Variants in MACROD2 observed in about 807,000 individuals in gnomAD.
MACROD2 encodes mono-ADP ribosylhydrolase 2.
Under a neutral mutation model 70.4 loss-of-function variants are expected in MACROD2, and 36 were observed. The observed-to-expected ratio is 0.51, with a 90% CI of 0.39 to 0.68. The LOEUF (loss-of-function observed/expected upper bound fraction) is 0.68, where lower values mean the gene tolerates loss of function less well. Ranked by LOEUF, MACROD2 falls within the 30% of genes least tolerant of loss-of-function variation. MACROD2 has a pLI of 0.00. For synonymous variants in MACROD2, 172 were observed against 178.8 expected (o/e 0.96, Z 0.30); for missense variants, 496 against 538.4 (o/e 0.92, Z 0.78).
chr20:15,622,451 G>A (rs939595488), intron 8 of MACROD2, among the ~76,000 whole-genome samples: 1 of 152,064 alleles, frequency 6.6e-6, no homozygotes, highest in African/African-American at 2.4e-5. Flanking sequence ...GTAAAATACG[G>A]GTGACTTGAA....
chr20:14,037,112 T>C (rs1375114979), intron 2 of MACROD2, among the ~76,000 whole-genome samples: 5 of 152,186 alleles, frequency 3.3e-5, no homozygotes, highest in Non-Finnish European at 7.4e-5. Flanking sequence ...ATGTAACTTT[T>C]ATTTTAAAGG....
At chr20:15,432,285 T>A (rs1229602715) in intron 7 of MACROD2, among the ~76,000 whole-genome samples, 2 of 152,142 alleles carry the variant, frequency 1.3e-5, no homozygotes. Context: ...TTTACTTTTT[T>A]TCTTCATCTG....
chr20:14,557,226 C>T (rs904164809), intron 4 of MACROD2, among the ~76,000 whole-genome samples: 6 of 151,866 alleles, frequency 4.0e-5, no homozygotes, highest in Middle Eastern at 3.4e-3. Flanking sequence ...AAATTAACTC[C>T]GAATGGATCA....
intron 2 of MACROD2, among the ~76,000 whole-genome samples, chr20:14,007,286 A>AT (rs1459570351): frequency 6.6e-6 from 1 of 152,138 alleles, no homozygotes; most frequent in Non-Finnish European, 1.5e-5. Context: ...TGATTTTCAG[A>AT]TTGAGTTCAT....
intron 7 of MACROD2, among the ~76,000 whole-genome samples, chr20:15,459,876 C>T (rs1274151549): frequency 6.6e-6 from 1 of 151,998 alleles, no homozygotes; most frequent in Non-Finnish European, 1.5e-5. Context: ...CACCCTTCTC[C>T]ACCCTCAGTC....
intron 3 of MACROD2, among the ~76,000 whole-genome samples, chr20:14,459,775 T>C (rs1468632024): frequency 6.6e-6 from 1 of 152,126 alleles, no homozygotes; most frequent in African/African-American, 2.4e-5. Flanking sequence ...GTGCAGAACA[T>C]GCAGGTTTGT....
At chr20:14,192,682 C>T (rs1412827261) in intron 3 of MACROD2, among the ~76,000 whole-genome samples, 1 of 152,124 alleles carries the variant, frequency 6.6e-6, no homozygotes, top group Non-Finnish European at 1.5e-5. Flanking sequence ...GGAGTCTCCC[C>T]ACAAGGGCCA....
At chr20:15,057,852 T>C (rs952789865) in intron 5 of MACROD2, among the ~76,000 whole-genome samples, 2 of 152,200 alleles carry the variant, frequency 1.3e-5, no homozygotes, top group Admixed American at 1.3e-4. Context: ...AATGTTCTTT[T>C]TTTTGATCTC....
At chr20:15,816,186 G>A (rs897723547) in intron 8 of MACROD2, among the ~76,000 whole-genome samples, 1 of 152,070 alleles carries the variant, frequency 6.6e-6, no homozygotes, top group African/African-American at 2.4e-5. Flanking sequence ...AGTGAGAAGA[G>A]TTCATGGTAG....
intron 6 of MACROD2, among the ~76,000 whole-genome samples, chr20:15,427,836 G>A (rs61615318): frequency 3.0e-4 from 45 of 152,274 alleles, no homozygotes; most frequent in African/African-American, 1.0e-3. Context: ...CTAGACTCAA[G>A]GTCAGTGATT....
chr20:16,049,144 T>A lies in MACROD2; in HGVS notation c.1301-686T>A, dbSNP rs1271015973. On this transcript the variant is annotated intron_variant, in intron 17 of 17. Transcript: ENST00000684519. Reference sequence around the variant, plus strand: ...AGATAGAAATCAGATCATTTGTTCATTCCAGCAGGAGTGGGGTAGTAGGGA... The same window carrying A: ...AGATAGAAATCAGATCATTTGTTCAATCCAGCAGGAGTGGGGTAGTAGGGA... 3.3e-5 allele frequency among the ~76,000 whole-genome samples: 5 copies of A among 152,032 alleles called. No individual in the cohort carries two copies. The South Asian group carries it at 1.0e-3, about 32-fold the overall frequency.
At chr20:15,895,022 A>G (rs1456977503) in intron 10 of MACROD2, among the ~76,000 whole-genome samples, 2 of 152,206 alleles carry the variant, frequency 1.3e-5, no homozygotes, top group Non-Finnish European at 2.9e-5. Context: ...ACCTCACCAA[A>G]TGATTCCCAT....
chr20:15,795,234 T>C (rs559613677), intron 8 of MACROD2, among the ~76,000 whole-genome samples: 1 of 152,240 alleles, frequency 6.6e-6, no homozygotes, highest in African/African-American at 2.4e-5. Context: ...AGAGTTCACA[T>C]AGGAGAACGG....
intron 3 of MACROD2, among the ~76,000 whole-genome samples, chr20:14,221,103 C>T (rs2081669736): frequency 6.6e-6 from 1 of 152,174 alleles, no homozygotes; most frequent in Non-Finnish European, 1.5e-5. Context: ...TACATGCTGT[C>T]AACATTATTG....
At chr20:15,512,043 G>C (rs2047507130) in intron 8 of MACROD2, among the ~76,000 whole-genome samples, 1 of 152,210 alleles carries the variant, frequency 6.6e-6, no homozygotes, top group African/African-American at 2.4e-5. Flanking sequence ...CTTCAATAAG[G>C]AAAAGGCTAT....
chr20:14,168,248 A>G (rs1158606482), intron 3 of MACROD2, among the ~76,000 whole-genome samples: 2 of 152,220 alleles, frequency 1.3e-5, no homozygotes, highest in African/African-American at 4.8e-5. Flanking sequence ...GACTGAATTA[A>G]TGAATGAATT....
intron 2 of MACROD2, among the ~76,000 whole-genome samples, chr20:14,060,206 GTCTAAAGACTCTGGTTCCC>G (rs1281140551): frequency 3.3e-5 from 5 of 152,144 alleles, no homozygotes; most frequent in Non-Finnish European, 7.4e-5. Context: ...CCACAAGGTT[GTCTAAAGACTCTGGTTCCC>G]TCTATCTTAG....
Position 14,841,183 on chromosome 20 carries a change from A to ATAAGATAAG in MACROD2, c.418+156224_418+156225insTAAGATAAG, listed in dbSNP as rs2073083268. 3.0e-4 allele frequency among the ~76,000 whole-genome samples: 46 copies of ATAAGATAAG among 152,302 alleles called. 1 individual carries two copies. Among genetic ancestry groups the ATAAGATAAG allele is most frequent in the Admixed American group, 2.6e-3 (40 of 15,290 alleles). ...GAAAATAGAGAACTCAGTTATAGTT[A>ATAAGATAAG]AATGACTGATGTTCTATAAGATAAC... On this transcript the variant is annotated intron_variant, in intron 5 of 17. Coordinates refer to ENST00000684519, the MANE Select transcript of MACROD2 (RefSeq NM_001351661.2).
chr20:15,333,385 T>C (rs2146194672), intron 6 of MACROD2, among the ~76,000 whole-genome samples: 1 of 151,774 alleles, frequency 6.6e-6, no homozygotes, highest in East Asian at 1.9e-4. Flanking sequence ...ATTTCCTTTC[T>C]CCTCGAAAGC....
Sources: gnomAD v4.1 joint callset for allele counts (sites outside exome capture counted in the v4.1 genomes callset) on GRCh38, gnomAD v4.1.1 for gene constraint, MANE v1.5 for transcripts, NCBI Gene and HGNC (gene_info 2026-07-23, HGNC 2026-07-21) for gene names.